TRPM3: variants seen among roughly 807,000 people sequenced by gnomAD.
TRPM3 encodes the protein transient receptor potential cation channel subfamily M member 3.
In TRPM3, 77 loss-of-function variants were observed where a neutral mutation model predicts 181.2. The observed-to-expected ratio is 0.42, with a 90% CI of 0.35 to 0.51. The LOEUF (loss-of-function observed/expected upper bound fraction) is 0.51, where lower values mean the gene tolerates loss of function less well. Ranked by LOEUF, TRPM3 falls within the 20% of genes least tolerant of loss-of-function variation. The pLI is 0.01. For synonymous variants in TRPM3, 745 were observed against 796.4 expected, an observed-to-expected ratio of 0.94 and a Z score of 1.09; for missense variants, 1,759 against 2,196.7, an observed-to-expected ratio of 0.80 and a Z score of 3.98.
intron 22 of TRPM3, among the ~76,000 whole-genome samples, chr9:70,580,886 G>A (rs1357410595): frequency 2.0e-5 from 3 of 152,112 alleles, no homozygotes; most frequent in Non-Finnish European, 4.4e-5. Flanking sequence ...ACGCTGATTT[G>A]TAATGTGTGT....
chr9:70,549,433 A>T (rs1164928604), intron 25 of TRPM3, 109 bp downstream of exon 25: 5 of 1,377,220 alleles, frequency 3.6e-6, no homozygotes, highest in Non-Finnish European at 3.9e-6. Flanking sequence ...CTCAGACAAT[A>T]AAAACAAACA....
intron 1 of TRPM3, among the ~76,000 whole-genome samples, chr9:70,892,736 G>C (rs561221628): frequency 6.6e-6 from 1 of 151,888 alleles, no homozygotes; most frequent in African/African-American, 2.4e-5. Context: ...CAATTAAAGA[G>C]GCTATTCTAA....
chr9:71,307,806 T>G (rs1006808418), intron 1 of TRPM3, among the ~76,000 whole-genome samples: 5 of 152,184 alleles, frequency 3.3e-5, no homozygotes, highest in African/African-American at 1.2e-4. Flanking sequence ...GCAGATTACT[T>G]TTCACATATT....
At chr9:70,813,742 G>T (rs2092393747) in intron 6 of TRPM3, among the ~76,000 whole-genome samples, 1 of 152,220 alleles carries the variant, frequency 6.6e-6, no homozygotes, top group Non-Finnish European at 1.5e-5. Context: ...GTTGAGGCAT[G>T]GGCTAAGAGG....
rs76901430 is a variant in TRPM3, at chr9:71,396,560, C to T, written c.183+50093G>A. 6.6e-5 allele frequency among the ~76,000 whole-genome samples: 10 copies of T among 152,042 alleles called. No homozygotes were observed. In the East Asian group the frequency reaches 1.9e-3, roughly 29 times the overall value. ...TGTGAGTCATCCTATTACACTCTTACACTTGAGAAACCCCAGCCACAGGAG... is the reference window on the plus strand; with the variant it reads ...TGTGAGTCATCCTATTACACTCTTATACTTGAGAAACCCCAGCCACAGGAG... On this transcript the variant is annotated intron_variant, in intron 1 of 24. Transcript: ENST00000357533.
chr9:70,824,200 G>A (rs540436784), intron 6 of TRPM3, among the ~76,000 whole-genome samples: 97 of 152,028 alleles, frequency 6.4e-4, no homozygotes, highest in African/African-American at 2.2e-3. Context: ...GTGATGAGGG[G>A]GAATGGAACT....
intron 1 of TRPM3, among the ~76,000 whole-genome samples, chr9:71,272,421 A>G (rs1204156963): frequency 6.6e-6 from 1 of 152,176 alleles, no homozygotes; most frequent in African/African-American, 2.4e-5. Context: ...GCCAACATGT[A>G]CTAACCGCTT....
chr9:71,264,059 C>T (rs1372551651), intron 1 of TRPM3, among the ~76,000 whole-genome samples: 1 of 152,170 alleles, frequency 6.6e-6, no homozygotes, highest in African/African-American at 2.4e-5. Context: ...TCTCAAAGTG[C>T]CTGGGATTAC....
intron 20 of TRPM3, among the ~76,000 whole-genome samples, chr9:70,599,625 G>A (rs1420707889): frequency 3.3e-5 from 5 of 152,080 alleles, no homozygotes; most frequent in Non-Finnish European, 1.5e-5. Context: ...TATTCCTTCT[G>A]TTCAGCACTT....
intron 7 of TRPM3, among the ~76,000 whole-genome samples, chr9:70,772,112 G>C (rs1230005953): frequency 6.6e-6 from 1 of 152,134 alleles, no homozygotes; most frequent in African/African-American, 2.4e-5. Flanking sequence ...GACATTCAAG[G>C]CTTCTCAGTT....
intron 1 of TRPM3, among the ~76,000 whole-genome samples, chr9:71,348,457 ATT>A (rs11314389): frequency 4.9e-4 from 73 of 147,650 alleles, no homozygotes; most frequent in African/African-American, 3.2e-4. Flanking sequence ...GACTTTTCCC[ATT>A]TTTTTTTTTT....
intron 8 of TRPM3, among the ~76,000 whole-genome samples, chr9:70,751,750 GGA>G (rs2076166047): frequency 5.3e-5 from 8 of 152,036 alleles, no homozygotes; most frequent in Non-Finnish European, 1.0e-4. Flanking sequence ...AAATTATGGA[GGA>G]AATGCAAAGT....
chr9:70,738,776 T>C (rs886757496), intron 8 of TRPM3, among the ~76,000 whole-genome samples: 2 of 152,064 alleles, frequency 1.3e-5, no homozygotes, highest in Middle Eastern at 3.2e-3. Context: ...ATAAGCTCAA[T>C]TAGAAATGAA....
At chr9:70,839,924 A>C (rs2094538515) in intron 5 of TRPM3, among the ~76,000 whole-genome samples, 1 of 152,176 alleles carries the variant, frequency 6.6e-6, no homozygotes, top group South Asian at 2.1e-4. Context: ...ATGGAAGAAA[A>C]AGGACAGATG....
At chr9:71,117,061 C>A (rs535711303) in intron 1 of TRPM3, among the ~76,000 whole-genome samples, 15 of 152,132 alleles carry the variant, frequency 9.9e-5, no homozygotes, top group Non-Finnish European at 2.2e-4. Context: ...GATAGAAACT[C>A]AGAAGTTATC....
intron 20 of TRPM3, among the ~76,000 whole-genome samples, chr9:70,599,510 C>T (rs2059533365): frequency 6.6e-6 from 1 of 152,182 alleles, no homozygotes; most frequent in Non-Finnish European, 1.5e-5. Flanking sequence ...CTTATGGTCG[C>T]CTCATTTCAC....
intron 1 of TRPM3, among the ~76,000 whole-genome samples, chr9:70,996,991 T>G (rs947771492): frequency 1.3e-5 from 2 of 152,196 alleles, no homozygotes; most frequent in Non-Finnish European, 1.5e-5. Flanking sequence ...GTTTCTTCTG[T>G]TTAAGGGCTT....
intron 22 of TRPM3, among the ~76,000 whole-genome samples, chr9:70,559,297 C>G (rs570469609): frequency 6.6e-6 from 1 of 152,322 alleles, no homozygotes; most frequent in Non-Finnish European, 1.5e-5. Flanking sequence ...TGAGTTACAG[C>G]TCCTCTATTT....
At chr9:71,253,606 A>C (rs1353711042) in intron 1 of TRPM3, among the ~76,000 whole-genome samples, 1 of 152,116 alleles carries the variant, frequency 6.6e-6, no homozygotes, top group Non-Finnish European at 1.5e-5. Context: ...CCTCCTAGAA[A>C]CTGTTTTGGT....
Sources: gnomAD v4.1 joint callset for allele counts (sites outside exome capture counted in the v4.1 genomes callset) on GRCh38, gnomAD v4.1.1 for gene constraint, MANE v1.5 for transcripts, NCBI Gene and HGNC (gene_info 2026-07-23, HGNC 2026-07-21) for gene names.